ATP7B: variants seen among roughly 807,000 people sequenced by gnomAD.
ATP7B encodes copper-transporting ATPase 2.
ATP7B carries 113 observed loss-of-function variants against 118.9 expected under a neutral mutation model. The observed-to-expected ratio is 0.95, with a 90% CI of 0.82 to 1.11. ATP7B has a LOEUF of 1.11. Ranked by LOEUF, ATP7B falls within the 50% of genes most tolerant of loss-of-function variation. The pLI, the probability that ATP7B is intolerant of heterozygous loss-of-function variation, is 0.00. For missense variants in ATP7B, 1,867 were observed against 1,871.4 expected (o/e 1.00, Z 0.04); for synonymous variants, 777 against 727.4 (o/e 1.07, Z -1.10).
intron 1 of ATP7B, among the ~76,000 whole-genome samples, chr13:51,981,402 T>C (rs1459206141): frequency 6.6e-6 from 1 of 152,126 alleles, no homozygotes; most frequent in Non-Finnish European, 1.5e-5. Flanking sequence ...CGCTCCACTT[T>C]CCTCAATATC....
chr13:51,989,993 T>C (rs1952832465), intron 1 of ATP7B, among the ~76,000 whole-genome samples: 1 of 152,128 alleles, frequency 6.6e-6, no homozygotes, highest in Non-Finnish European at 1.5e-5. Context: ...AAACCTAATG[T>C]TTATAAATTA....
At chr13:51,947,925 C>T (rs1227805769) in intron 12 of ATP7B, 1 of 152,204 alleles carries the variant, frequency 6.6e-6, no homozygotes, top group Non-Finnish European at 1.5e-5. Flanking sequence ...AGGCATGGAA[C>T]AGCAGAAAGC....
intron 3 of ATP7B, among the ~76,000 whole-genome samples, chr13:51,969,609 T>C (rs1190475021): frequency 6.6e-6 from 1 of 152,156 alleles, no homozygotes; most frequent in Non-Finnish European, 1.5e-5. Flanking sequence ...AAAAGCCTCG[T>C]TCAAATAAAT....
At chr13:51,987,715 A>T (rs1291890477) in intron 1 of ATP7B, among the ~76,000 whole-genome samples, 1 of 152,214 alleles carries the variant, frequency 6.6e-6, no homozygotes, top group Non-Finnish European at 1.5e-5. Context: ...CAAAACAGAG[A>T]TATAGACCAA....
intron 9 of ATP7B, among the ~76,000 whole-genome samples, chr13:51,954,495 A>C (rs1342690007): frequency 6.6e-6 from 1 of 152,274 alleles, no homozygotes; most frequent in Non-Finnish European, 1.5e-5. Context: ...GGCTGCAAGC[A>C]GTATGAAGAG....
intron 3 of ATP7B, 148 bp from the exon 4 acceptor site, chr13:51,968,755 T>C (rs568570434): frequency 4.0e-6 from 4 of 1,007,166 alleles, no homozygotes; most frequent in Non-Finnish European, 6.0e-6. Flanking sequence ...AGGCTGCACA[T>C]GAGGCTTGCT....
intron 1 of ATP7B, among the ~76,000 whole-genome samples, chr13:52,004,387 T>C (rs1368502702): frequency 6.6e-6 from 1 of 152,238 alleles, no homozygotes; most frequent in African/African-American, 2.4e-5. Context: ...TGGAGTTGCA[T>C]CCTAACTTGT....
At chr13:51,990,086 T>C (rs9535821) in intron 1 of ATP7B, among the ~76,000 whole-genome samples, 89,381 of 151,582 alleles carry the variant, frequency 0.59, 28,235 homozygotes, top group Non-Finnish European at 0.71. Context: ...AATAAATCTT[T>C]TTTAAAATTA....
At chr13:51,995,305 T>C in intron 1 of ATP7B, 10 of 985,356 alleles carry the variant, frequency 1.0e-5, no homozygotes, top group Non-Finnish European at 1.1e-5. Context: ...CATCTGCAAT[T>C]GCACTGACCT....
Position 51,946,268 on chromosome 13 carries a change from C to T in ATP7B, c.3060+16G>A, listed in dbSNP as rs76163470. 22 of 1,563,404 alleles carry T rather than the reference C, an allele frequency of 1.4e-5. No homozygotes were observed. Among genetic ancestry groups the T allele is most frequent in the African/African-American group, 6.8e-5 (5 of 73,678 alleles). On this transcript the variant is annotated intron_variant, in intron 13 of 20. Coordinates refer to ENST00000242839, the MANE Select transcript of ATP7B (RefSeq NM_000053.4). ...TTTCATCTCTCAGGATGGGGAAAGC[C>T]GTGCTACAGGCTGACCTTGTGCGCC...
In ATP7B at chr13:51,974,548, A is replaced by G. The variant is rs1371604368; in HGVS notation, c.672T>C (p.Ile224=). The G allele has an allele frequency of 1.9e-6, 3 of 1,614,192 alleles. No homozygotes were observed. The highest frequency in any genetic ancestry group is 2.5e-6 in the Non-Finnish European group (3 of 1,180,030). The change falls in exon 2 of 21, where the codon ATT becomes ATC. Residue 224 remains isoleucine (I), a synonymous_variant. Transcript: ENST00000242839. ...VAPLSLGPID[I]ERLQSTNPKR... is the part of the protein sequence containing the mutation. ...TTGGGTTAGTGCTTTGTAACCGCTC[A>G]ATATCAATTGGTCCCAGGCTTAAGG...
At chr13:51,984,748 T>C (rs567347936) in intron 1 of ATP7B, among the ~76,000 whole-genome samples, 28 of 152,142 alleles carry the variant, frequency 1.8e-4, no homozygotes, top group Non-Finnish European at 4.0e-4. Flanking sequence ...CAGAAGAGAA[T>C]AGGGGCCAAT....
intron 1 of ATP7B, among the ~76,000 whole-genome samples, chr13:51,996,772 G>A (rs1052927725): frequency 3.3e-5 from 5 of 152,160 alleles, no homozygotes; most frequent in African/African-American, 4.8e-5. Flanking sequence ...AAGCCCCTTC[G>A]TGCCTGCTTT....
chr13:51,972,101 C>T (rs1951870356), intron 2 of ATP7B, among the ~76,000 whole-genome samples: 1 of 151,826 alleles, frequency 6.6e-6, no homozygotes, highest in African/African-American at 2.4e-5. Context: ...CAACATGTGC[C>T]CCTTCCCTCC....
At chr13:51,936,266 A>G (rs952331370) in intron 19 of ATP7B, among the ~76,000 whole-genome samples, 7 of 152,194 alleles carry the variant, frequency 4.6e-5, no homozygotes, top group African/African-American at 1.7e-4. Flanking sequence ...GGGGACAAGA[A>G]GTAAACCTGC....
chr13:51,990,041 A>T (rs1466605811), intron 1 of ATP7B, among the ~76,000 whole-genome samples: 3 of 152,144 alleles, frequency 2.0e-5, no homozygotes, highest in African/African-American at 7.2e-5. Context: ...AATGCTACTT[A>T]AAATAATCCT....
rs1008749400 is a variant in ATP7B at position 51,968,466 on chromosome 13, G to A, written c.1685C>T (p.Ser562Phe). 6.2e-7 allele frequency: 1 copy of A among 1,614,172 alleles called. No homozygotes were observed. The highest frequency in any genetic ancestry group is 8.5e-7 in the Non-Finnish European group (1 of 1,180,034). The change falls in exon 4 of 21, where the codon TCC becomes TTC. Residue 562 changes from serine (S) to phenylalanine (F), a missense_variant. By Grantham distance (155) the Ser-to-Phe change is radical (BLOSUM62 -2). Coordinates refer to ENST00000242839, the MANE Select transcript of ATP7B (RefSeq NM_000053.4). Reference sequence around the variant, plus strand: ...TACTGTCAGCTCAATGTTGCCATCGGAGCCTGCGTAGTCCTCCATGACTGC... The same window carrying A: ...TACTGTCAGCTCAATGTTGCCATCGAAGCCTGCGTAGTCCTCCATGACTGC... ...EAAVMEDYAG[S>F]DGNIELTITG...
At chr13:51,976,070 A>G (rs1411915766) in intron 1 of ATP7B, among the ~76,000 whole-genome samples, 1 of 152,244 alleles carries the variant, frequency 6.6e-6, no homozygotes, top group Admixed American at 6.5e-5. Flanking sequence ...ATGTAGTCTC[A>G]GTCATTCTAT....
Position 52,011,436 on chromosome 13 carries a change from G to A in ATP7B, c.-99C>T, listed in dbSNP as rs1954031973. 2 of 1,524,780 alleles carry A rather than the reference G, an allele frequency of 1.3e-6. No homozygotes were observed. The highest frequency in any genetic ancestry group is 1.1e-5 in the South Asian group (1 of 88,230). The allele number at this position is 1,524,780 out of a possible 1,614,324, so 94.5% of individuals were successfully genotyped here. A position where few individuals can be genotyped will look rare whatever the true frequency, so the allele number is the denominator to read the frequency against. On this transcript the variant is annotated 5_prime_UTR_variant, in exon 1 of 21. Transcript: ENST00000242839. ...GGGGTGTTAAAGTCCCGGGAGAGGA[G>A]GCGCAGAGTGTGAGGGCATCGGCGC...
Sources: gnomAD v4.1 joint callset for allele counts (sites outside exome capture counted in the v4.1 genomes callset) on GRCh38, gnomAD v4.1.1 for gene constraint, MANE v1.5 for transcripts, NCBI Gene and HGNC (gene_info 2026-07-23, HGNC 2026-07-21) for gene names.